Variants in CCDC92 observed in about 807,000 individuals in gnomAD.
The protein encoded by CCDC92 is coiled-coil domain containing 92.
A neutral mutation model predicts 24.9 loss-of-function variants in CCDC92; 12 were observed. The observed-to-expected ratio is 0.48, with a 90% CI of 0.31 to 0.78. The LOEUF (loss-of-function observed/expected upper bound fraction) is 0.78, where lower values mean the gene tolerates loss of function less well. Among genes scored for constraint, CCDC92 ranks in the 30% least tolerant of loss-of-function variants. The pLI is 0.05. For missense variants in CCDC92, 399 were observed against 439.4 expected (o/e 0.91, Z 0.82); for synonymous variants, 193 against 196.3 (o/e 0.98, Z 0.14).
At chr12:123,944,564 T>A in intron 1 of CCDC92, 200 bp from the exon 2 acceptor site, 1 of 435,050 alleles carries the variant, frequency 2.3e-6, no homozygotes, top group Non-Finnish European at 4.0e-6. Context: ...AGGCTGTCAC[T>A]GCTTCAGACG....
rs1283853137 is a variant in CCDC92, at chr12:123,937,228, G to C, written c.826C>G (p.Gln276Glu). The change falls in exon 5 of 5, where the codon CAG (glutamine) becomes GAG (glutamate). Residue 276 changes from glutamine (Q) to glutamate (E), a missense_variant. By Grantham distance (29) the Gln-to-Glu change is conservative (BLOSUM62 2). Transcript: ENST00000238156. The surrounding 1 kb of genome is among the most constrained non-coding windows in gnomAD (Gnocchi z 8.4). Reference sequence around the variant, plus strand: ...GGCTTTTCGCGGGCCGGGCTGTGCTGCTCGCCGCTTCGGTCGGAGGCGATG... The same window carrying C: ...GGCTTTTCGCGGGCCGGGCTGTGCTCCTCGCCGCTTCGGTCGGAGGCGATG... ...PPIASDRSGE[Q>E]HSPAREKPHK... 6.2e-7 allele frequency: 1 copy of C among 1,610,070 alleles called. No individual in the cohort carries two copies. Among genetic ancestry groups the C allele is most frequent in the Non-Finnish European group, 8.5e-7 (1 of 1,179,488 alleles).
chr12:123,958,775 T>G (rs950031628), intron 1 of CCDC92, among the ~76,000 whole-genome samples: 4 of 152,200 alleles, frequency 2.6e-5, no homozygotes, highest in Admixed American at 2.6e-4. Flanking sequence ...GAGCTTAATC[T>G]GCCTTATTGA....
chr12:123,950,405 A>C (rs1287269609), intron 1 of CCDC92, among the ~76,000 whole-genome samples: 1 of 152,208 alleles, frequency 6.6e-6, no homozygotes, highest in Non-Finnish European at 1.5e-5. Flanking sequence ...AAAATCACAC[A>C]GCTGTAAAGG....
intron 1 of CCDC92, among the ~76,000 whole-genome samples, chr12:123,967,615 C>T (rs1956424230): frequency 6.6e-6 from 1 of 152,292 alleles, no homozygotes; most frequent in South Asian, 2.1e-4. Flanking sequence ...TATGGAGAGC[C>T]TAAGATAATT....
intron 1 of CCDC92, chr12:123,962,784 A>T (rs1956300749): frequency 6.6e-6 from 1 of 151,940 alleles, no homozygotes; most frequent in African/African-American, 2.4e-5. Flanking sequence ...AACACCATCT[A>T]CACGGTGTTT....
chr12:123,942,477 A>G (rs147909347), intron 4 of CCDC92, among the ~76,000 whole-genome samples: 3 of 152,244 alleles, frequency 2.0e-5, no homozygotes, highest in Non-Finnish European at 4.4e-5. Flanking sequence ...TCATTGTAGG[A>G]AAATCAGAAA....
intron 1 of CCDC92, chr12:123,944,827 G>C (rs1321465431): frequency 6.6e-6 from 1 of 152,078 alleles, no homozygotes; most frequent in Non-Finnish European, 1.5e-5. Flanking sequence ...CCAAGAAAAA[G>C]AGAAACAAGA....
At chr12:123,961,778 A>G (rs1449360268) in intron 1 of CCDC92, among the ~76,000 whole-genome samples, 1 of 152,168 alleles carries the variant, frequency 6.6e-6, no homozygotes, top group East Asian at 1.9e-4. Flanking sequence ...TACGTACTTG[A>G]TCAACACTCT....
Position 123,972,721 on chromosome 12 carries a change from C to T in CCDC92, c.-252G>A, listed in dbSNP as rs1483099270. On this transcript the variant is annotated 5_prime_UTR_variant, in exon 1 of 5. Transcript: ENST00000238156. Reference sequence around the variant, plus strand: ...CACCGCCCGCCCGGCGCATCTCGCCCGCTCCCACCCCAGCGCTAGCCGCGG... The same window carrying T: ...CACCGCCCGCCCGGCGCATCTCGCCTGCTCCCACCCCAGCGCTAGCCGCGG... 6.8e-6 allele frequency: 1 copy of T among 147,402 alleles called. No homozygotes were observed. The highest frequency in any genetic ancestry group is 2.0e-4 in the East Asian group (1 of 4,986). 9.1% of individuals were successfully genotyped at this position (147,402 alleles called of 1,614,324 possible).
chr12:123,955,891 T>C lies in CCDC92; in HGVS notation c.-59-11527A>G, dbSNP rs540865921. Among the ~76,000 whole-genome samples the C allele has an allele frequency of 2.0e-5, 3 of 152,334 alleles. No individual in the cohort carries two copies. In the South Asian group the frequency reaches 6.2e-4, roughly 32 times the overall value. On this transcript the variant is annotated intron_variant, in intron 1 of 4. Coordinates refer to ENST00000238156, the MANE Select transcript of CCDC92 (RefSeq NM_025140.3). ...CATCAGAGAAGATGACTGCCACTTATAAAGAGACGTTATCCTTGTGATGTG... is the reference window on the plus strand; with the variant it reads ...CATCAGAGAAGATGACTGCCACTTACAAAGAGACGTTATCCTTGTGATGTG...
At chr12:123,943,904 C>T in intron 2 of CCDC92, 1 of 447,454 alleles carries the variant, frequency 2.2e-6, no homozygotes, top group South Asian at 3.7e-5. Flanking sequence ...AAATCCTGTC[C>T]TCTCCACGCA....
intron 1 of CCDC92, among the ~76,000 whole-genome samples, chr12:123,965,689 C>G (rs1259509179): frequency 6.6e-6 from 1 of 152,240 alleles, no homozygotes; most frequent in Non-Finnish European, 1.5e-5. Context: ...GTAGAAGGGA[C>G]TCTAAAGACT....
chr12:123,940,775 C>T (rs1045174892), intron 4 of CCDC92, among the ~76,000 whole-genome samples: 3 of 152,184 alleles, frequency 2.0e-5, no homozygotes, highest in African/African-American at 7.2e-5. Flanking sequence ...CTCCCTGGGC[C>T]CGCCCAGACT....
intron 1 of CCDC92, chr12:123,966,052 G>T (rs144846838): frequency 6.6e-6 from 1 of 152,204 alleles, no homozygotes; most frequent in Non-Finnish European, 1.5e-5. Flanking sequence ...TGCATGCAAA[G>T]GCTAACACAA....
chr12:123,942,890 C>T, intron 3 of CCDC92, 105 bp from the exon 4 acceptor site: 1 of 901,866 alleles, frequency 1.1e-6, no homozygotes, highest in Non-Finnish European at 1.8e-6. Context: ...GCGAGTCCTA[C>T]CCAGACAGAG....
At chr12:123,968,616 G>A (rs976057842) in intron 1 of CCDC92, 6 of 152,234 alleles carry the variant, frequency 3.9e-5, no homozygotes, top group Admixed American at 3.9e-4. Context: ...CAAAGTTTGA[G>A]GAGTCTTAGT....
At chr12:123,939,378 G>T (rs1955617501) in intron 4 of CCDC92, among the ~76,000 whole-genome samples, 1 of 152,240 alleles carries the variant, frequency 6.6e-6, no homozygotes, top group African/African-American at 2.4e-5. Context: ...GTCTTGTGCA[G>T]GACACTTGCA....
intron 1 of CCDC92, among the ~76,000 whole-genome samples, chr12:123,952,866 C>T (rs1956060068): frequency 6.6e-6 from 1 of 152,076 alleles, no homozygotes; most frequent in Non-Finnish European, 1.5e-5. Flanking sequence ...AAGAATTAGG[C>T]TTTTTTAATC....
intron 1 of CCDC92, among the ~76,000 whole-genome samples, chr12:123,963,590 T>C (rs1464281467): frequency 1.3e-5 from 2 of 152,202 alleles, no homozygotes; most frequent in African/African-American, 4.8e-5. Flanking sequence ...CCTAAGAATG[T>C]AGTAATTTTC....
Sources: allele counts gnomAD v4.1 joint callset (sites outside exome capture counted in the v4.1 genomes callset), GRCh38; gene constraint gnomAD v4.1.1; non-coding constraint Gnocchi (gnomAD v3.1); transcripts MANE v1.5; gene names NCBI Gene and HGNC (gene_info 2026-07-23, HGNC 2026-07-21).